The following RAG2 variants were observed in gnomAD, a reference collection of about 807,000 sequenced individuals.
The protein encoded by RAG2 is recombination activating 2, also known as V(D)J recombination-activating protein 2.
Under a neutral mutation model 31.8 loss-of-function variants are expected in RAG2, and 16 were observed. The observed-to-expected ratio is 0.50, with a 90% CI of 0.34 to 0.76. The LOEUF is 0.76. Ranked by LOEUF, RAG2 falls within the 30% of genes least tolerant of loss-of-function variation. The pLI is 0.01. For missense variants in RAG2, 622 were observed against 628.5 expected (o/e 0.99, Z 0.11); for synonymous variants, 199 against 215.9 (o/e 0.92, Z 0.68).
chr11:36,591,743 G>C (rs543840662), downstream of RAG2, among the ~76,000 whole-genome samples: 4 of 152,090 alleles, frequency 2.6e-5, no homozygotes, highest in South Asian at 8.3e-4. Flanking sequence ...AGATTTATTT[G>C]GTGGTCCTTT....
chr11:36,593,132 T>C lies in RAG2; in HGVS notation c.1037A>G (p.Tyr346Cys), dbSNP rs752759155. Residue 346 changes from tyrosine to cysteine, a missense_variant, in exon 2 of 2, where the codon TAT (tyrosine) becomes TGT (cysteine). By Grantham distance (194) the Tyr-to-Cys change is radical. Transcript: ENST00000311485. ...KQVVSEGFYF[Y>C]MLKCAEDDTN... is the part of the protein sequence containing the mutation. ...ATCATCTTCAGCACATTTCAACATATAGAAATAGAATCCTTCTGAAACAAC... is the reference window on the plus strand; with the variant it reads ...ATCATCTTCAGCACATTTCAACATACAGAAATAGAATCCTTCTGAAACAAC... 1.9e-6 allele frequency: 3 copies of C among 1,614,180 alleles called. No homozygotes were observed. The highest frequency in any genetic ancestry group is 1.1e-5 in the South Asian group (1 of 91,076).
rs1851054460 is a variant in RAG2, at chr11:36,592,905, T to C, written c.1264A>G (p.Thr422Ala). ...ETGYWITCCP[T>A]CDVDINTWVP... ...CAAGTGTTGATATCCACATCACAAG[T>C]AGGGCAGCATGTAATCCAGTAGCCT... Residue 422 changes from threonine to alanine, a missense_variant, in exon 2 of 2, where the codon ACT becomes GCT. Thr to Ala is a moderately conservative substitution (Grantham distance 58, BLOSUM62 0). Coordinates refer to ENST00000311485, the MANE Select transcript of RAG2 (RefSeq NM_000536.4). 6.2e-7 allele frequency: 1 copy of C among 1,614,142 alleles called. No homozygotes were observed.
intron 1 of RAG2, 189 bp from the exon 2 acceptor site, chr11:36,594,384 C>T (rs1851118784): frequency 3.4e-6 from 2 of 595,010 alleles, no homozygotes; most frequent in South Asian, 4.2e-5. Flanking sequence ...ATCCAAGGAG[C>T]TGGGACATGT....
chr11:36,595,660 A>T (rs1851192502), intron 1 of RAG2, among the ~76,000 whole-genome samples: 1 of 152,124 alleles, frequency 6.6e-6, no homozygotes, highest in Admixed American at 6.5e-5. Flanking sequence ...GAAAACTGAG[A>T]TAATAATTTT....
At chr11:36,591,482 G>T (rs1189090328), downstream of RAG2, among the ~76,000 whole-genome samples, 1 of 151,796 alleles carries the variant, frequency 6.6e-6, no homozygotes, top group Non-Finnish European at 1.5e-5. Flanking sequence ...CTGATGTCTT[G>T]AACCCTTAAA....
In RAG2 at chr11:36,592,439, C is replaced by T. The variant is rs951890713; in HGVS notation, c.*146G>A. On this transcript the variant is annotated 3_prime_UTR_variant, in exon 2 of 2. Coordinates refer to ENST00000311485, the MANE Select transcript of RAG2 (RefSeq NM_000536.4). ...ACTTTATTTATCATTGCATTATAAA[C>T]ACTTTTTTCTGGCCCTTAATTCATG... 43 of 1,025,352 alleles carry T rather than the reference C, an allele frequency of 4.2e-5. No individual in the cohort carries two copies. The highest frequency in any genetic ancestry group is 6.0e-5 in the Non-Finnish European group (43 of 718,690). 63.5% of individuals were successfully genotyped at this position (1,025,352 alleles called of 1,614,324 possible).
chr11:36,594,291 C>T (rs1204268570), intron 1 of RAG2, 96 bp from the exon 2 acceptor site: 2 of 827,156 alleles, frequency 2.4e-6, no homozygotes, highest in African/African-American at 3.4e-5. Context: ...TTTAAGTCCT[C>T]CCACACGCTT....
chr11:36,594,204 A>G lies in RAG2; in HGVS notation c.-27-9T>C, dbSNP rs1851111562. The G allele has an allele frequency of 1.4e-6, 2 of 1,470,240 alleles. No individual in the cohort carries two copies. The highest frequency in any genetic ancestry group is 3.3e-5 in the Admixed American group (2 of 59,832). 91.1% of individuals were successfully genotyped at this position (1,470,240 alleles called of 1,614,324 possible). ...GGTACGTAGATTTTTGTCTGAAAGA[A>G]TTATAAAATAAAATGACTTAGAGAT... On this transcript the variant is annotated splice_polypyrimidine_tract_variant and intron_variant, in intron 1 of 1. Transcript: ENST00000311485.
chr11:36,596,211 GTTTTTTTTTTGTTT>G (rs1344292137), intron 1 of RAG2, among the ~76,000 whole-genome samples: 4 of 101,158 alleles, frequency 4.0e-5, no homozygotes, highest in Non-Finnish European at 5.8e-5. Flanking sequence ...AGATGGTAGT[GTTTTTTTTTTGTTT>G]TTTTTTTTTT....
In RAG2 at chr11:36,594,589, G is replaced by A. The variant is rs548845589; in HGVS notation, c.-27-394C>T. ...ATGTGTCTGTGAATAAAGACTAGCC[G>A]AAGGTGCGAAGTGACTAGACGGGAG... On this transcript the variant is annotated intron_variant, in intron 1 of 1. Coordinates refer to ENST00000311485, the MANE Select transcript of RAG2 (RefSeq NM_000536.4). 3.9e-4 allele frequency: 78 copies of A among 197,714 alleles called. 1 individual carries two copies. The highest frequency in any genetic ancestry group is 1.7e-3 in the African/African-American group (74 of 42,756). 12.2% of individuals were successfully genotyped at this position (197,714 alleles called of 1,614,324 possible). A position where few individuals can be genotyped will look rare whatever the true frequency, so the allele number is the denominator to read the frequency against.
chr11:36,596,233 T>TG (rs1311713415), intron 1 of RAG2, among the ~76,000 whole-genome samples: 3 of 150,690 alleles, frequency 2.0e-5, no homozygotes, highest in Non-Finnish European at 3.0e-5. Context: ...TTTTTTTTTT[T>TG]TTTTGCTTTA....
chr11:36,596,222 G>GTTTTTTTTTTTTTTTTT (rs67282079), intron 1 of RAG2, among the ~76,000 whole-genome samples: 2 of 118,364 alleles, frequency 1.7e-5, no homozygotes, highest in Admixed American at 8.7e-5. Context: ...TTTTTTTTTT[G>GTTTTTTTTTTTTTTTTT]TTTTTTTTTT....
At chr11:36,591,088 T>C (rs1851015914), downstream of RAG2, among the ~76,000 whole-genome samples, 1 of 152,172 alleles carries the variant, frequency 6.6e-6, no homozygotes, top group South Asian at 2.1e-4. Context: ...AGAAGATTTT[T>C]ATATTTTATT....
chr11:36,593,494 G>C lies in RAG2; in HGVS notation c.675C>G (p.Ala225=), dbSNP rs368808756. Residue 225 remains alanine (A), a synonymous_variant, in exon 2 of 2, where the codon GCC becomes GCG. Coordinates refer to ENST00000311485, the MANE Select transcript of RAG2 (RefSeq NM_000536.4). ...ACAGGTTGGCAGGCCGGATATTATTGGCAAGTGAATGTCCTCCTAAAATAT... is the reference window on the plus strand; with the variant it reads ...ACAGGTTGGCAGGCCGGATATTATTCGCAAGTGAATGTCCTCCTAAAATAT... ...TIYILGGHSL[A]NNIRPANLYR... is the part of the protein sequence containing the mutation. The C allele has an allele frequency of 2.9e-5, 47 of 1,613,902 alleles. No individual in the cohort carries two copies. Among genetic ancestry groups the C allele is most frequent in the Non-Finnish European group, 3.7e-5 (44 of 1,180,038 alleles).
Position 36,593,547 on chromosome 11 carries a change from C to G in RAG2, c.622G>C (p.Val208Leu). ...PELQDGLSFH[V>L]SIAKNDTIYI... ...ATGGTGTCATTTTTGGCAATAGAGA[C>G]ATGAAAAGATAGCCCATCCTGAAGT... is the stretch of plus-strand genomic sequence containing the variant. Residue 208 changes from valine to leucine, a missense_variant, in exon 2 of 2, where the codon GTC becomes CTC. Coordinates refer to ENST00000311485, the MANE Select transcript of RAG2 (RefSeq NM_000536.4). 6.2e-7 allele frequency: 1 copy of G among 1,614,172 alleles called. No individual in the cohort carries two copies. Among genetic ancestry groups the G allele is most frequent in the Non-Finnish European group, 8.5e-7 (1 of 1,180,024 alleles).
At chr11:36,597,412 C>T (rs1851313761) in intron 1 of RAG2, among the ~76,000 whole-genome samples, 1 of 152,150 alleles carries the variant, frequency 6.6e-6, no homozygotes, top group Admixed American at 6.6e-5. Context: ...TCCTGTTCTT[C>T]AGCTGAGGGA....
intron 1 of RAG2, chr11:36,594,538 T>C (rs1388196477): frequency 3.6e-6 from 1 of 275,858 alleles, no homozygotes; most frequent in Non-Finnish European, 7.0e-6. Context: ...TCTGTCTTTG[T>C]TGCTCTGGGA....
rs1163369742 is a variant in RAG2, at chr11:36,594,173, T to C, written c.-5A>G. On this transcript the variant is annotated 5_prime_UTR_variant, in exon 2 of 2. Coordinates refer to ENST00000311485, the MANE Select transcript of RAG2 (RefSeq NM_000536.4). Reference sequence around the variant, plus strand: ...TGTTACCATCTGCAGAGACATAGTTTCTGATGGTACGTAGATTTTTGTCTG... The same window carrying C: ...TGTTACCATCTGCAGAGACATAGTTCCTGATGGTACGTAGATTTTTGTCTG... The C allele has an allele frequency of 1.3e-6, 2 of 1,589,868 alleles. No homozygotes were observed. The highest frequency in any genetic ancestry group is 1.7e-6 in the Non-Finnish European group (2 of 1,158,200).
rs1393356600 is a variant in RAG2 at position 36,594,234 on chromosome 11, T to C, written c.-27-39A>G. 4 of 1,252,780 alleles carry C rather than the reference T, an allele frequency of 3.2e-6. No homozygotes were observed. The African/African-American group carries it at 5.9e-5, about 19-fold the overall frequency. 77.6% of individuals were successfully genotyped at this position (1,252,780 alleles called of 1,614,324 possible). A position where few individuals can be genotyped will look rare whatever the true frequency, so the allele number is the denominator to read the frequency against. ...AAAATAAAATGACTTAGAGATCGCT[T>C]CATATAATCATCGTATTTAGATTCC... On this transcript the variant is annotated intron_variant, in intron 1 of 1. Transcript: ENST00000311485.
Sources: gnomAD v4.1 joint callset for allele counts (sites outside exome capture counted in the v4.1 genomes callset) on GRCh38, gnomAD v4.1.1 for gene constraint, MANE v1.5 for transcripts, NCBI Gene and HGNC (gene_info 2026-07-23, HGNC 2026-07-21) for gene names.